NFAT5: variants seen among roughly 807,000 people sequenced by gnomAD.
NFAT5 encodes nuclear factor of activated T cells 5.
In NFAT5, 31 loss-of-function variants were observed where a neutral mutation model predicts 166.5. The observed-to-expected ratio is 0.19, with a 90% CI of 0.14 to 0.25. The LOEUF (loss-of-function observed/expected upper bound fraction) is 0.25. Ranked by LOEUF, NFAT5 falls within the 10% of genes least tolerant of loss-of-function variation. The pLI is 1.00. For synonymous variants in NFAT5, 612 were observed against 639.7 expected (o/e 0.96, Z 0.65); for missense variants, 1,449 against 1,821.8 (o/e 0.80, Z 3.72).
rs929962147 is a variant in NFAT5 at position 69,648,237 on chromosome 16, A to G, written c.812+651A>G. The G allele has an allele frequency of 2.9e-5, 29 of 985,180 alleles. 3 individuals carry two copies. In the East Asian group the frequency reaches 4.5e-4, roughly 15 times the overall value. 61.0% of individuals were successfully genotyped at this position (985,180 alleles called of 1,614,324 possible). ...ACTAGCAATGTAATGACTCCATCCAAAACAACTCAAACAGTCACTAAGAGC... is the reference window on the plus strand; with the variant it reads ...ACTAGCAATGTAATGACTCCATCCAGAACAACTCAAACAGTCACTAAGAGC... On this transcript the variant is annotated intron_variant, in intron 4 of 14. Coordinates refer to ENST00000349945, the MANE Select transcript of NFAT5 (RefSeq NM_138713.4).
chr16:69,666,885 C>A (rs1046847648), intron 7 of NFAT5, among the ~76,000 whole-genome samples: 2 of 152,038 alleles, frequency 1.3e-5, no homozygotes, highest in African/African-American at 2.4e-5. Flanking sequence ...ATGTTTATTG[C>A]AGCACTATTC....
Position 69,693,508 on chromosome 16 carries a change from A to G in NFAT5, c.3683A>G (p.Gln1228Arg). The G allele has an allele frequency of 2.5e-6, 4 of 1,614,124 alleles. No homozygotes were observed. The highest frequency in any genetic ancestry group is 3.4e-6 in the Non-Finnish European group (4 of 1,180,012). The change falls in exon 13 of 15, where the codon CAG (glutamine) becomes CGG (arginine). Residue 1228 changes from glutamine (Q) to arginine (R), a missense_variant. By Grantham distance (43) the Gln-to-Arg change is conservative (BLOSUM62 1). Transcript: ENST00000349945. ...QAQPPQQGLF[Q>R]PQVALGSLPP... ...CAACCCCCGCAGCAGGGTTTATTTC[A>G]GCCTCAGGTGGCCCTGGGCTCCCTT... is the stretch of plus-strand genomic sequence containing the variant.
intron 5 of NFAT5, among the ~76,000 whole-genome samples, chr16:69,653,960 C>T (rs540798643): frequency 6.6e-6 from 1 of 151,400 alleles, no homozygotes; most frequent in African/African-American, 2.4e-5. Context: ...TTAAGGCTTA[C>T]GGTTTAAGAA....
chr16:69,626,599 G>A lies in NFAT5; in HGVS notation c.253+71G>A, dbSNP rs1597426607. ...AAATCTGGCCAACATGAACAGTGCTGGCAAAATTCATACTAAAAAGAGTGT... is the reference window on the plus strand; with the variant it reads ...AAATCTGGCCAACATGAACAGTGCTAGCAAAATTCATACTAAAAAGAGTGT... On this transcript the variant is annotated intron_variant, in intron 3 of 14. Transcript: ENST00000349945. The A allele has an allele frequency of 3.1e-6, 4 of 1,285,548 alleles. No homozygotes were observed. The East Asian group carries it at 1.1e-4, about 35-fold the overall frequency. The allele number at this position is 1,285,548 out of a possible 1,614,324, so 79.6% of individuals were successfully genotyped here. A position where few individuals can be genotyped will look rare whatever the true frequency, so the allele number is the denominator to read the frequency against.
intron 10 of NFAT5, 149 bp from the exon 11 acceptor site, chr16:69,684,738 A>T: frequency 1.8e-6 from 1 of 567,566 alleles, no homozygotes; most frequent in South Asian, 2.5e-5. Flanking sequence ...TGGAGAATTT[A>T]GAGGATAGAA....
At chr16:69,617,105 G>A (rs1053875720) in intron 2 of NFAT5, among the ~76,000 whole-genome samples, 2 of 151,788 alleles carry the variant, frequency 1.3e-5, no homozygotes, top group African/African-American at 4.8e-5. Context: ...CATCACGCCC[G>A]GCTAATTTTT....
At chr16:69,662,542 C>G (rs1190025820) in intron 7 of NFAT5, among the ~76,000 whole-genome samples, 1 of 148,452 alleles carries the variant, frequency 6.7e-6, no homozygotes, top group African/African-American at 2.5e-5. Context: ...TCACTGCAAG[C>G]TCCACCTCCC....
intron 3 of NFAT5, among the ~76,000 whole-genome samples, chr16:69,640,242 T>C (rs1447320317): frequency 1.3e-5 from 2 of 152,306 alleles, no homozygotes; most frequent in African/African-American, 4.8e-5. Context: ...CCATCCAATC[T>C]CACCCAGGGT....
intron 3 of NFAT5, among the ~76,000 whole-genome samples, chr16:69,639,356 A>G (rs1352322824): frequency 6.6e-6 from 1 of 152,134 alleles, no homozygotes; most frequent in African/African-American, 2.4e-5. Flanking sequence ...TTCAGGGAGC[A>G]CTCTTTAGTA....
At chr16:69,679,497 C>T (rs556679361) in intron 10 of NFAT5, among the ~76,000 whole-genome samples, 1 of 152,024 alleles carries the variant, frequency 6.6e-6, no homozygotes, top group East Asian at 2.0e-4. Context: ...CACCTGTTTA[C>T]CCAGCTACGT....
chr16:69,568,374 GTGTATATATATA>G (rs776601730), intron 1 of NFAT5, 109 bp from the exon 2 acceptor site: 19 of 359,308 alleles, frequency 5.3e-5, no homozygotes, highest in Middle Eastern at 7.8e-4. Context: ...GTGTGTGTGT[GTGTATATATATA>G]TATATATACA....
intron 2 of NFAT5, among the ~76,000 whole-genome samples, chr16:69,580,614 A>T (rs1349143099): frequency 1.3e-5 from 2 of 152,048 alleles, no homozygotes; most frequent in Admixed American, 1.3e-4. Context: ...TCACTTGCTT[A>T]AATAATCCTT....
In NFAT5 at chr16:69,653,135, T is replaced by C. The variant is rs1597475759; in HGVS notation, c.813-101T>C. The C allele has an allele frequency of 9.6e-5, 68 of 708,470 alleles. No homozygotes were observed. The East Asian group carries it at 2.2e-3, about 23-fold the overall frequency. The allele number at this position is 708,470 out of a possible 1,614,324, so 43.9% of individuals were successfully genotyped here. A position where few individuals can be genotyped will look rare whatever the true frequency, so the allele number is the denominator to read the frequency against. On this transcript the variant is annotated intron_variant, in intron 4 of 14. Transcript: ENST00000349945. ...CAGCAAGCTGAATAGTTGTTTTTAC[T>C]ATTATTGCCAGTTCTGTTTCTTCCT... is the stretch of plus-strand genomic sequence containing the variant.
intron 2 of NFAT5, among the ~76,000 whole-genome samples, chr16:69,592,517 G>A (rs1416873019): frequency 6.6e-6 from 1 of 152,100 alleles, no homozygotes. Context: ...AAAAGCTTGT[G>A]ATTATTTCAA....
At chr16:69,568,344 A>G (rs143116814) in intron 1 of NFAT5, 151 bp from the exon 2 acceptor site, 3,491 of 215,258 alleles carry the variant, frequency 0.016, 38 homozygotes, top group Middle Eastern at 0.029. Context: ...GTATATATAT[A>G]TATGTGTGTG....
chr16:69,568,831 G>C (rs1365756269), intron 2 of NFAT5, among the ~76,000 whole-genome samples: 1 of 152,018 alleles, frequency 6.6e-6, no homozygotes. Context: ...CTTCATTTTA[G>C]CTTTTTATAC....
chr16:69,684,817 A>G, intron 10 of NFAT5, 70 bp from the exon 11 acceptor site: 2 of 971,852 alleles, frequency 2.1e-6, no homozygotes, highest in Non-Finnish European at 3.0e-6. Flanking sequence ...TATTCTAATT[A>G]AAGAATTTAA....
At chr16:69,608,067 T>C (rs2033506382) in intron 2 of NFAT5, among the ~76,000 whole-genome samples, 1 of 152,144 alleles carries the variant, frequency 6.6e-6, no homozygotes, top group African/African-American at 2.4e-5. Context: ...GAAAAACTAC[T>C]TTATTGGCCG....
intron 2 of NFAT5, among the ~76,000 whole-genome samples, chr16:69,610,613 TCTC>T (rs1324856688): frequency 1.3e-5 from 2 of 152,340 alleles, no homozygotes; most frequent in East Asian, 3.9e-4. Flanking sequence ...AGCCAGCTAT[TCTC>T]CTGCCTGGGA....
Sources: gnomAD v4.1 joint callset for allele counts (sites outside exome capture counted in the v4.1 genomes callset) on GRCh38, gnomAD v4.1.1 for gene constraint, MANE v1.5 for transcripts, NCBI Gene and HGNC (gene_info 2026-07-23, HGNC 2026-07-21) for gene names.